The following SRGAP1 variants were observed in gnomAD, a reference collection of about 807,000 sequenced individuals.
SRGAP1 encodes the protein SLIT-ROBO Rho GTPase activating protein 1.
In SRGAP1, 43 loss-of-function variants were observed where a neutral mutation model predicts 121.9. The observed-to-expected ratio is 0.35, with a 90% CI of 0.28 to 0.46. SRGAP1 has a LOEUF of 0.46. SRGAP1 is among the 20% of genes least tolerant of loss of function. SRGAP1 has a pLI of 1.00. For synonymous variants in SRGAP1, 447 were observed against 485.4 expected (o/e 0.92, Z 1.04); for missense variants, 1,102 against 1,350.9 (o/e 0.82, Z 2.89).
At chr12:63,956,280 G>GTCTGAAACTTTTGGGCTCA (rs1235300648) in intron 1 of SRGAP1, among the ~76,000 whole-genome samples, 2 of 151,990 alleles carry the variant, frequency 1.3e-5, no homozygotes, top group African/African-American at 4.8e-5. Flanking sequence ...TCCCAGGCTG[G>GTCTGAAACTTTTGGGCTCA]TCTGAAACTT....
intron 17 of SRGAP1, among the ~76,000 whole-genome samples, 169 bp downstream of exon 17, chr12:64,112,155 C>G (rs2036440135): frequency 6.6e-6 from 1 of 152,166 alleles, no homozygotes; most frequent in Non-Finnish European, 1.5e-5. Flanking sequence ...CATGGAAACT[C>G]ATATTCATCC....
chr12:64,136,620 G>T (rs2036860331), intron 21 of SRGAP1, among the ~76,000 whole-genome samples: 1 of 152,154 alleles, frequency 6.6e-6, no homozygotes, highest in South Asian at 2.1e-4. Context: ...TAACTAAAAA[G>T]AATTTTGGAT....
intron 2 of SRGAP1, among the ~76,000 whole-genome samples, chr12:63,987,385 CA>C (rs1305705506): frequency 6.6e-6 from 1 of 152,162 alleles, no homozygotes; most frequent in East Asian, 1.9e-4. Flanking sequence ...TGGTCTTTAT[CA>C]AATCAGTATG....
At chr12:64,036,679 C>G (rs898934009) in intron 4 of SRGAP1, among the ~76,000 whole-genome samples, 1 of 152,130 alleles carries the variant, frequency 6.6e-6, no homozygotes, top group Non-Finnish European at 1.5e-5. Context: ...ATTTGTCATC[C>G]CATTAGTCCA....
chr12:64,045,825 G>C (rs542243555), intron 6 of SRGAP1, among the ~76,000 whole-genome samples: 1 of 152,244 alleles, frequency 6.6e-6, no homozygotes, highest in African/African-American at 2.4e-5. Flanking sequence ...CACCATTCCT[G>C]ACAATGGGAA....
At chr12:63,854,085 A>T (rs73313491) in intron 1 of SRGAP1, among the ~76,000 whole-genome samples, 8,289 of 152,264 alleles carry the variant, frequency 0.054, 515 homozygotes, top group East Asian at 0.17. Context: ...AAAGAATAGT[A>T]GCTTTGAATA....
At chr12:64,026,311 TAATA>T (rs1328128118) in intron 4 of SRGAP1, among the ~76,000 whole-genome samples, 1 of 152,198 alleles carries the variant, frequency 6.6e-6, no homozygotes, top group African/African-American at 2.4e-5. Context: ...CAGTTTATAG[TAATA>T]AATATATATG....
Position 64,151,857 on chromosome 12 carries a change from T to A in SRGAP1, c.*9185T>A, listed in dbSNP as rs537671112. The A allele has an allele frequency of 2.0e-5, 3 of 152,286 alleles. No homozygotes were observed. The East Asian group carries it at 5.8e-4, about 29-fold the overall frequency. The allele number at this position is 152,286 out of a possible 1,614,324, so 9.4% of individuals were successfully genotyped here. On this transcript the variant is annotated 3_prime_UTR_variant, in exon 22 of 22. Transcript: ENST00000355086. ...ACCTTAAGCTCAACAGACCCAAAAA[T>A]TAAACCCACTTTGTTTCATTCCAAA...
rs577209829 is a variant in SRGAP1, at chr12:64,104,879, A to G, written c.1814-4053A>G. Among the ~76,000 whole-genome samples, 12 of 151,372 alleles carry G rather than the reference A, an allele frequency of 7.9e-5. No individual in the cohort carries two copies. The South Asian group carries it at 2.3e-3, about 29-fold the overall frequency. The stretch of plus-strand genomic sequence containing the variant: ...TCATTTGCATCCCACAGGCCCCCTC[A>G]TTCTTTTATTGTGGTAAAAATATAT... On this transcript the variant is annotated intron_variant, in intron 15 of 21. Transcript: ENST00000355086.
chr12:63,958,506 C>T (rs1366524192), intron 1 of SRGAP1, among the ~76,000 whole-genome samples: 2 of 152,072 alleles, frequency 1.3e-5, no homozygotes, highest in Non-Finnish European at 2.9e-5. Context: ...CCTTGTTGAA[C>T]GATGACTTGA....
At chr12:63,998,503 C>T (rs1339658459) in intron 3 of SRGAP1, among the ~76,000 whole-genome samples, 1 of 152,122 alleles carries the variant, frequency 6.6e-6, no homozygotes, top group Non-Finnish European at 1.5e-5. Context: ...AGCCCTGGGA[C>T]CATGGCATTA....
In SRGAP1 at chr12:64,051,113, C is replaced by T. The variant is rs140844157; in HGVS notation, c.801+7538C>T. The stretch of plus-strand genomic sequence containing the variant: ...GGATTTGTCTATTACCTCCTTATGT[C>T]ATTTATCCTGTTTCTTTGTCCTGTA... On this transcript the variant is annotated intron_variant, in intron 6 of 21. Transcript: ENST00000355086. Among the ~76,000 whole-genome samples the T allele has an allele frequency of 8.5e-5, 13 of 152,268 alleles. No homozygotes were observed. The East Asian group carries it at 1.9e-3, about 23-fold the overall frequency.
At chr12:63,934,918 G>A (rs938352466) in intron 1 of SRGAP1, among the ~76,000 whole-genome samples, 2 of 152,130 alleles carry the variant, frequency 1.3e-5, no homozygotes, top group Non-Finnish European at 2.9e-5. Flanking sequence ...ATGTAGACAT[G>A]TTTGTTCTTG....
intron 1 of SRGAP1, among the ~76,000 whole-genome samples, chr12:63,866,549 G>A (rs1307429191): frequency 6.6e-6 from 1 of 152,140 alleles, no homozygotes; most frequent in Non-Finnish European, 1.5e-5. Flanking sequence ...ATGTAAGAAT[G>A]TGTATTCCAA....
At chr12:64,104,322 C>G (rs1417850957) in intron 15 of SRGAP1, among the ~76,000 whole-genome samples, 1 of 152,160 alleles carries the variant, frequency 6.6e-6, no homozygotes, top group East Asian at 1.9e-4. Context: ...AGCATGTGAT[C>G]AAGGTTGGAT....
In SRGAP1 at chr12:64,013,287, A is replaced by AT. The variant is rs565035031; in HGVS notation, c.427-3662dup. Among the ~76,000 whole-genome samples, 291 of 152,308 alleles carry AT rather than the reference A, an allele frequency of 1.9e-3. 2 individuals carry two copies. The highest frequency in any genetic ancestry group is 6.5e-3 in the African/African-American group (269 of 41,574). ...GTGCTCCCTCCACTGTTGCCATACCATGAGGACAGGAACCATGTCCCCAGG... is the reference window on the plus strand; with the variant it reads ...GTGCTCCCTCCACTGTTGCCATACCATTGAGGACAGGAACCATGTCCCCAGG... On this transcript the variant is annotated intron_variant, in intron 3 of 21. Transcript: ENST00000355086.
intron 12 of SRGAP1, 138 bp downstream of exon 12, chr12:64,091,516 T>C: frequency 1.8e-6 from 1 of 555,328 alleles, no homozygotes; most frequent in Non-Finnish European, 3.0e-6. Context: ...CAATATAATA[T>C]TTCCTGAAGT....
chr12:64,122,665 C>T (rs188379279), intron 18 of SRGAP1, among the ~76,000 whole-genome samples: 7 of 152,136 alleles, frequency 4.6e-5, no homozygotes, highest in Admixed American at 3.3e-4. Flanking sequence ...TTTGGGAGGC[C>T]GAGGTGGACG....
At position 64,128,105 on chromosome 12, in the gene SRGAP1, A is replaced by G. The variant is rs1287175889; in HGVS notation, c.2785A>G (p.Lys929Glu). The stretch of plus-strand genomic sequence containing the variant: ...CATCAGCCGGCACGACTCCCTCAAG[A>G]AGATCGACAGCCCTCCCATTAGAAG... ...TNISRHDSLK[K>E]IDSPPIRRST... is the part of the protein sequence containing the mutation. Residue 929 changes from lysine to glutamate, a missense_variant, in exon 21 of 22, where the codon AAG becomes GAG. Physicochemically the swap from Lys to Glu is moderately conservative, Grantham distance 56. Coordinates refer to ENST00000355086, the MANE Select transcript of SRGAP1 (RefSeq NM_020762.4). 6.2e-7 allele frequency: 1 copy of G among 1,614,030 alleles called. No homozygotes were observed. Among genetic ancestry groups the G allele is most frequent in the Non-Finnish European group, 8.5e-7 (1 of 1,180,044 alleles).
Sources: allele counts gnomAD v4.1 joint callset (sites outside exome capture counted in the v4.1 genomes callset), GRCh38; gene constraint gnomAD v4.1.1; transcripts MANE v1.5; gene names NCBI Gene and HGNC (gene_info 2026-07-23, HGNC 2026-07-21).